Variants in SSH2 observed in about 807,000 individuals in gnomAD.
SSH2 encodes the protein protein phosphatase Slingshot homolog 2.
A neutral mutation model predicts 135.2 loss-of-function variants in SSH2; 37 were observed. That is an observed-to-expected ratio of 0.27 (90% CI 0.21 to 0.36). SSH2 has a LOEUF of 0.36. SSH2 is among the 10% of genes least tolerant of loss of function. SSH2 has a pLI of 1.00. For missense variants in SSH2, 1,408 were observed against 1,765.3 expected (o/e 0.80, Z 3.63); for synonymous variants, 628 against 646.2 (o/e 0.97, Z 0.43).
intron 3 of SSH2, among the ~76,000 whole-genome samples, chr17:29,782,348 T>TACCAA (rs1411708552): frequency 1.3e-5 from 2 of 152,168 alleles, no homozygotes; most frequent in African/African-American, 2.4e-5. Context: ...GCTAATTGGA[T>TACCAA]ACCAAAGTAA....
At chr17:29,899,707 A>C (rs1165651497) in intron 1 of SSH2, among the ~76,000 whole-genome samples, 4 of 152,242 alleles carry the variant, frequency 2.6e-5, no homozygotes, top group African/African-American at 4.8e-5. Context: ...ATACTGCCCA[A>C]GGTAATTTAT....
intron 5 of SSH2, among the ~76,000 whole-genome samples, chr17:29,692,470 G>A (rs2038529134): frequency 6.6e-6 from 1 of 152,176 alleles, no homozygotes; most frequent in Non-Finnish European, 1.5e-5. Context: ...TACATTTTCT[G>A]AATTTATATT....
At chr17:29,772,341 G>C (rs1283375063) in intron 3 of SSH2, among the ~76,000 whole-genome samples, 2 of 151,408 alleles carry the variant, frequency 1.3e-5, no homozygotes, top group South Asian at 4.2e-4. Flanking sequence ...CACCTCCCGA[G>C]TTCACGCCAT....
intron 2 of SSH2, among the ~76,000 whole-genome samples, chr17:29,843,512 G>T (rs1208818937): frequency 8.6e-5 from 13 of 151,274 alleles, no homozygotes; most frequent in Admixed American, 8.6e-4. Flanking sequence ...AACTGAGATC[G>T]TGCCACTGCA....
At chr17:29,743,114 T>C (rs2040628247) in intron 3 of SSH2, among the ~76,000 whole-genome samples, 1 of 151,976 alleles carries the variant, frequency 6.6e-6, no homozygotes, top group Admixed American at 6.6e-5. Flanking sequence ...GTATTTTTAG[T>C]AGAGGTGAGG....
At position 29,626,372 on chromosome 17, in the gene SSH2, TG is replaced by T. The variant is rs3833159; in HGVS notation, c.*4468del. ...AACATAAAAATCAAACATTTCCCTG[TG>T]GGCTTACTGATTGGGAAGCACTTCA... On this transcript the variant is annotated 3_prime_UTR_variant, in exon 16 of 16. Transcript: ENST00000540801. The T allele has an allele frequency of 0.42, 63,546 of 152,300 alleles. 13,581 individuals carry two copies. The highest frequency in any genetic ancestry group is 0.44 in the Non-Finnish European group (30,148 of 67,908). The allele number at this position is 152,300 out of a possible 1,614,324, so 9.4% of individuals were successfully genotyped here. A position where few individuals can be genotyped will look rare whatever the true frequency, so the allele number is the denominator to read the frequency against.
intron 1 of SSH2, among the ~76,000 whole-genome samples, chr17:29,898,220 T>C (rs1381803943): frequency 1.3e-5 from 2 of 151,920 alleles, no homozygotes; most frequent in Non-Finnish European, 2.9e-5. Context: ...TTAAAAGAAC[T>C]AGAGAAGCAA....
At chr17:29,906,119 ATACCTCATTC>A (rs1226714768) in intron 1 of SSH2, among the ~76,000 whole-genome samples, 2 of 152,212 alleles carry the variant, frequency 1.3e-5, no homozygotes, top group African/African-American at 4.8e-5. Context: ...ATTTGTCTGC[ATACCTCATTC>A]TACCTCATTC....
intron 3 of SSH2, among the ~76,000 whole-genome samples, chr17:29,737,973 G>A (rs976050651): frequency 2.6e-5 from 4 of 151,898 alleles, no homozygotes; most frequent in South Asian, 2.1e-4. Flanking sequence ...GGGTACATGC[G>A]CACAACGTGC....
intron 1 of SSH2, among the ~76,000 whole-genome samples, chr17:29,920,986 C>A (rs1388025954): frequency 6.6e-6 from 1 of 151,714 alleles, no homozygotes; most frequent in Non-Finnish European, 1.5e-5. Context: ...AAGTAAATAG[C>A]CATGAAGAAA....
intron 1 of SSH2, among the ~76,000 whole-genome samples, chr17:29,905,708 G>C (rs2066640882): frequency 2.0e-5 from 3 of 152,262 alleles, no homozygotes; most frequent in Middle Eastern, 3.4e-3. Flanking sequence ...CCCTCCCTCA[G>C]GCCAGGGAGG....
chr17:29,714,533 CTT>C (rs1040653763), intron 3 of SSH2, among the ~76,000 whole-genome samples: 1 of 152,116 alleles, frequency 6.6e-6, no homozygotes, highest in Non-Finnish European at 1.5e-5. Flanking sequence ...CCTTGTCACT[CTT>C]TTTTTAACCC....
At chr17:29,784,477 A>T (rs2041916890) in intron 3 of SSH2, among the ~76,000 whole-genome samples, 1 of 151,620 alleles carries the variant, frequency 6.6e-6, no homozygotes, top group South Asian at 2.1e-4. Flanking sequence ...GGTGCCTGTA[A>T]TCCCAGCTTC....
In SSH2 at chr17:29,848,467, A is replaced by C. The variant is rs2065485795; in HGVS notation, c.144+382T>G. Among the ~76,000 whole-genome samples the C allele has an allele frequency of 2.0e-5, 3 of 152,200 alleles. 1 individual carries two copies. In the South Asian group the frequency reaches 6.2e-4, roughly 31 times the overall value. Reference sequence around the variant, plus strand: ...GGAATAAAGGCCCTGTGGCAGCACCAATACCAAGCAGTTGCCACAGGGAAA... The same window carrying C: ...GGAATAAAGGCCCTGTGGCAGCACCCATACCAAGCAGTTGCCACAGGGAAA... On this transcript the variant is annotated intron_variant, in intron 2 of 15. Transcript: ENST00000540801.
chr17:29,784,065 CAA>C (rs71138857), intron 3 of SSH2, among the ~76,000 whole-genome samples: 20 of 8,228 alleles, frequency 2.4e-3, no homozygotes, highest in South Asian at 4.4e-3. Flanking sequence ...GACTCCGTCT[CAA>C]AAAAAAAAAA....
intron 3 of SSH2, among the ~76,000 whole-genome samples, chr17:29,725,924 A>C (rs2039989473): frequency 6.6e-6 from 1 of 152,206 alleles, no homozygotes. Context: ...ATTTAAAAAA[A>C]GCCAGGGAAT....
intron 8 of SSH2, among the ~76,000 whole-genome samples, chr17:29,674,800 CTCA>C (rs1453232651): frequency 6.6e-6 from 1 of 152,100 alleles, no homozygotes; most frequent in African/African-American, 2.4e-5. Context: ...GCAAAAAAAT[CTCA>C]TCATATTTTA....
chr17:29,806,093 A>G (rs1211458184), intron 2 of SSH2, among the ~76,000 whole-genome samples: 1 of 152,168 alleles, frequency 6.6e-6, no homozygotes, highest in East Asian at 1.9e-4. Flanking sequence ...TGGTTTGCCA[A>G]TCCAAGATGA....
At position 29,636,200 on chromosome 17, in the gene SSH2, A is replaced by G; in HGVS notation, c.2030T>C (p.Ile677Thr). 1 of 1,614,132 alleles carries G rather than the reference A, an allele frequency of 6.2e-7. No individual in the cohort carries two copies. The highest frequency in any genetic ancestry group is 8.5e-7 in the Non-Finnish European group (1 of 1,180,022). Residue 677 changes from isoleucine to threonine, a missense_variant, in exon 15 of 16, where the codon ATT (isoleucine) becomes ACT (threonine). Ile to Thr is a moderately conservative substitution (Grantham distance 89, BLOSUM62 -1). Coordinates refer to ENST00000540801, the MANE Select transcript of SSH2 (RefSeq NM_001282129.2). ...TEISDFSTDR[I>T]DFFSALEKFV... ...CTTCTCTAGGGCACTAAAAAAGTCA[A>G]TGCGATCTGTACTGAAATCTGAGAT... is the stretch of plus-strand genomic sequence containing the variant.
Sources: gnomAD v4.1 joint callset for allele counts (sites outside exome capture counted in the v4.1 genomes callset) on GRCh38, gnomAD v4.1.1 for gene constraint, MANE v1.5 for transcripts, NCBI Gene and HGNC (gene_info 2026-07-23, HGNC 2026-07-21) for gene names.